SPTBN4: variants seen among roughly 807,000 people sequenced by gnomAD.
SPTBN4 encodes spectrin beta chain, non-erythrocytic 4.
In SPTBN4, 96 loss-of-function variants were observed where a neutral mutation model predicts 277.8. The ratio of observed to expected loss-of-function variants is 0.35; its 90% CI spans 0.29 to 0.41. The LOEUF is 0.41. SPTBN4 is among the 10% of genes least tolerant of loss of function. SPTBN4 has a pLI of 1.00. For missense variants in SPTBN4, 3,006 were observed against 3,595.7 expected (o/e 0.84, Z 4.19); for synonymous variants, 1,481 against 1,580.3 (o/e 0.94, Z 1.49).
intron 35 of SPTBN4, chr19:40,572,659 T>C: frequency 2.1e-6 from 1 of 470,680 alleles, no homozygotes; most frequent in Non-Finnish European, 3.8e-6. Flanking sequence ...GGGAGTTCGC[T>C]TTAAAAAGGG....
intron 14 of SPTBN4, among the ~76,000 whole-genome samples, chr19:40,514,224 G>A (rs967963103): frequency 2.6e-5 from 4 of 152,196 alleles, no homozygotes; most frequent in Non-Finnish European, 4.4e-5. Flanking sequence ...TGCCTTTCTA[G>A]GTCTTGTGCT....
At chr19:40,532,571 G>A in intron 18 of SPTBN4, 54 bp from the exon 19 acceptor site, 2 of 1,574,360 alleles carry the variant, frequency 1.3e-6, no homozygotes, top group Non-Finnish European at 1.7e-6. Flanking sequence ...AAGGGATGGG[G>A]GGCTGTGGCA....
At chr19:40,501,736 A>T (rs1021754645) in intron 7 of SPTBN4, among the ~76,000 whole-genome samples, 185 bp from the exon 8 acceptor site, 1 of 152,204 alleles carries the variant, frequency 6.6e-6, no homozygotes, top group Non-Finnish European at 1.5e-5. Context: ...TGTGTCAGGC[A>T]CTATTTAATT....
intron 2 of SPTBN4, among the ~76,000 whole-genome samples, chr19:40,485,977 A>T (rs1421485694): frequency 7.1e-6 from 1 of 140,850 alleles, no homozygotes; most frequent in African/African-American, 2.8e-5. Context: ...TAGGATGGCC[A>T]TAAAAAAAAA....
intron 1 of SPTBN4, 132 bp from the exon 2 acceptor site, chr19:40,472,475 G>A (rs1666670130): frequency 3.8e-6 from 3 of 780,194 alleles, no homozygotes; most frequent in African/African-American, 3.5e-5. Context: ...CTGTGCCTAG[G>A]CCTTATCATT....
intron 32 of SPTBN4, 63 bp from the exon 33 acceptor site, chr19:40,570,373 C>T: frequency 1.6e-6 from 2 of 1,265,658 alleles, no homozygotes; most frequent in Non-Finnish European, 2.1e-6. Context: ...ATGACTCCCC[C>T]AAACAGATGA....
intron 29 of SPTBN4, among the ~76,000 whole-genome samples, 198 bp from the exon 30 acceptor site, chr19:40,565,965 G>A (rs1279080765): frequency 6.6e-6 from 1 of 152,136 alleles, no homozygotes; most frequent in Non-Finnish European, 1.5e-5. Context: ...GGGACATTAA[G>A]GAAGGAGGAA....
Position 40,504,119 on chromosome 19 carries a change from TGGA to T in SPTBN4, c.1657_1659del (p.Glu553del), listed in dbSNP as rs1171207259. On this transcript the variant is annotated inframe_deletion, in exon 12 of 36. Transcript: ENST00000598249. ...GAGATGGTGTACATGGTGGACTGGA[TGGA>T]GGAGATGCAGGTGCCGGCGGGGGGG... The T allele has an allele frequency of 1.9e-6, 2 of 1,053,070 alleles. No individual in the cohort carries two copies. The highest frequency in any genetic ancestry group is 9.8e-5 in the African/African-American group (2 of 20,442). 65.2% of individuals were successfully genotyped at this position (1,053,070 alleles called of 1,614,324 possible).
intron 2 of SPTBN4, among the ~76,000 whole-genome samples, chr19:40,477,283 A>G (rs2079960054): frequency 6.6e-6 from 1 of 151,390 alleles, no homozygotes; most frequent in Non-Finnish European, 1.5e-5. Flanking sequence ...TCCTGGACTC[A>G]AGTGATCCTC....
At position 40,479,633 on chromosome 19, in the gene SPTBN4, C is replaced by T. The variant is rs139457773; in HGVS notation, c.169+6843C>T. Among the ~76,000 whole-genome samples, 1,007 of 145,408 alleles carry T rather than the reference C, an allele frequency of 6.9e-3. 8 individuals carry two copies. The highest frequency in any genetic ancestry group is 0.025 in the African/African-American group (950 of 38,434). On this transcript the variant is annotated intron_variant, in intron 2 of 35. Coordinates refer to ENST00000598249, the MANE Select transcript of SPTBN4 (RefSeq NM_020971.3). ...TTTTTAATGTGAATCTTTTTCTTTG[C>T]ATGAGAATAATTTTGCAAAATGTGC... is the stretch of plus-strand genomic sequence containing the variant.
chr19:40,491,348 G>C (rs2080133408), intron 4 of SPTBN4, among the ~76,000 whole-genome samples: 1 of 152,144 alleles, frequency 6.6e-6, no homozygotes, highest in South Asian at 2.1e-4. Context: ...GGATGGAAGG[G>C]GCTAGGTGAT....
intron 30 of SPTBN4, 144 bp downstream of exon 30, chr19:40,566,503 G>A: frequency 1.4e-6 from 1 of 713,330 alleles, no homozygotes; most frequent in African/African-American, 1.8e-5. Context: ...TAGGCTCCCA[G>A]TGGAGCAGAG....
chr19:40,556,998 C>CCA, intron 25 of SPTBN4, 25 bp from the exon 26 acceptor site: 1 of 1,070,932 alleles, frequency 9.3e-7, no homozygotes, highest in Non-Finnish European at 1.3e-6. Context: ...TTTGCTGTAC[C>CCA]CCCCCCCCCA....
intron 16 of SPTBN4, 103 bp from the exon 17 acceptor site, chr19:40,523,334 G>A (rs146219311): frequency 1.5e-5 from 17 of 1,138,916 alleles, no homozygotes; most frequent in Non-Finnish European, 1.7e-5. Flanking sequence ...AATGTTCTAT[G>A]CTTGCAAGGT....
At chr19:40,483,369 G>T (rs902538076) in intron 2 of SPTBN4, among the ~76,000 whole-genome samples, 3 of 151,986 alleles carry the variant, frequency 2.0e-5, no homozygotes, top group Non-Finnish European at 4.4e-5. Flanking sequence ...TGGATTGTCT[G>T]CAACACAAAA....
chr19:40,513,424 G>T lies in SPTBN4; in HGVS notation c.2635G>T (p.Asp879Tyr). The change falls in exon 14 of 36, where the codon GAC (aspartate) becomes TAC (tyrosine). Residue 879 changes from aspartate to tyrosine, a missense_variant. This residue lies in a region of SPTBN4 where 1,759 missense variants were observed against 2,061.5 expected (regional missense o/e 0.85). Coordinates refer to ENST00000598249, the MANE Select transcript of SPTBN4 (RefSeq NM_020971.3). ...GGCGCTGAGGCGCCAGTGGCTGCGG[G>T]ACGCGCTCGCTGTCTACCGCATGTT... ...VAALRRQWLR[D>Y]ALAVYRMFGE... 1 of 1,603,918 alleles carries T rather than the reference G, an allele frequency of 6.2e-7. No homozygotes were observed.
Position 40,512,839 on chromosome 19 carries a change from A to G in SPTBN4, c.2050A>G (p.Thr684Ala), listed in dbSNP as rs1403995487. The change falls in exon 14 of 36, where the codon ACA becomes GCA. Residue 684 changes from threonine (T) to alanine (A), a missense_variant. By Grantham distance (58) the Thr-to-Ala change is moderately conservative. This residue lies in a region of SPTBN4 where 1,759 missense variants were observed against 2,061.5 expected (regional missense o/e 0.85). Transcript: ENST00000598249. ...GAAGAAGAAG[T>A]AGGAHDLSST... ...GGCGGGCGCAGCGGGCGCAGCGGGA[A>G]CAGCGGGCGGCGCGCATGACCTGTC... 1.4e-6 allele frequency: 2 copies of G among 1,452,176 alleles called. No individual in the cohort carries two copies. Among genetic ancestry groups the G allele is most frequent in the South Asian group, 1.4e-5 (1 of 72,626 alleles). The allele number at this position is 1,452,176 out of a possible 1,614,324, so 90.0% of individuals were successfully genotyped here. A position where few individuals can be genotyped will look rare whatever the true frequency, so the allele number is the denominator to read the frequency against.
chr19:40,532,579 G>A, intron 18 of SPTBN4, 46 bp from the exon 19 acceptor site: 4 of 1,578,686 alleles, frequency 2.5e-6, no homozygotes, highest in Non-Finnish European at 2.6e-6. Context: ...GGGGGCTGTG[G>A]CAGGTTGAGG....
intron 13 of SPTBN4, among the ~76,000 whole-genome samples, chr19:40,507,521 C>T (rs1029057820): frequency 1.3e-5 from 2 of 151,152 alleles, no homozygotes; most frequent in African/African-American, 4.9e-5. Context: ...TAGTGAGACC[C>T]CATCTCTATA....
Sources: allele counts gnomAD v4.1 joint callset (sites outside exome capture counted in the v4.1 genomes callset), GRCh38; gene constraint gnomAD v4.1.1; regional missense constraint gnomAD v4.1.1; transcripts MANE v1.5; gene names NCBI Gene and HGNC (gene_info 2026-07-23, HGNC 2026-07-21).